The following ART4 variants were observed in gnomAD, a reference collection of about 807,000 sequenced individuals.
ART4 encodes ecto-ADP-ribosyltransferase 4.
A neutral mutation model predicts 24.2 loss-of-function variants in ART4; 14 were observed. The ratio of observed to expected loss-of-function variants is 0.58; its 90% CI spans 0.38 to 0.90. The LOEUF (loss-of-function observed/expected upper bound fraction) is 0.90. ART4 is among the 40% of genes least tolerant of loss of function. The pLI is 0.00. For missense variants in ART4, 356 were observed against 366.6 expected, an observed-to-expected ratio of 0.97 and a Z score of 0.24; for synonymous variants, 145 against 139.9, an observed-to-expected ratio of 1.04 and a Z score of -0.26.
At chr12:14,830,368 A>G (rs922488927) in intron 2 of ART4, among the ~76,000 whole-genome samples, 1 of 151,908 alleles carries the variant, frequency 6.6e-6, no homozygotes, top group Non-Finnish European at 1.5e-5. Context: ...GCCAGTTTTC[A>G]CTATTGTTTA....
chr12:14,836,085 A>ATATATC (rs751019968), intron 2 of ART4, among the ~76,000 whole-genome samples: 1 of 152,140 alleles, frequency 6.6e-6, no homozygotes, highest in Non-Finnish European at 1.5e-5. Context: ...ACATATATAT[A>ATATATC]TATATCATCA....
intron 1 of ART4, 26 bp downstream of exon 1, chr12:14,842,944 G>C: frequency 6.3e-7 from 1 of 1,599,158 alleles, no homozygotes; most frequent in Non-Finnish European, 8.5e-7. Context: ...ATCATAAAGA[G>C]ATCACCCCCT....
intron 2 of ART4, among the ~76,000 whole-genome samples, chr12:14,833,848 G>A (rs184009822): frequency 6.6e-6 from 1 of 152,166 alleles, no homozygotes; most frequent in Non-Finnish European, 1.5e-5. Flanking sequence ...AGGAGCAAGA[G>A]TGTTAATATT....
At chr12:14,838,789 A>G (rs1179733559) in intron 2 of ART4, among the ~76,000 whole-genome samples, 2 of 152,194 alleles carry the variant, frequency 1.3e-5, no homozygotes, top group Admixed American at 1.3e-4. Flanking sequence ...TGAATTATAA[A>G]TCATAGCAAT....
Position 14,843,509 on chromosome 12 carries a change from C to T in ART4, c.-396G>A, listed in dbSNP as rs1406714656. 2.4e-5 allele frequency: 4 copies of T among 168,710 alleles called. No homozygotes were observed. In the South Asian group the frequency reaches 4.3e-4, roughly 18 times the overall value. 10.5% of individuals were successfully genotyped at this position (168,710 alleles called of 1,614,324 possible). A position where few individuals can be genotyped will look rare whatever the true frequency, so the allele number is the denominator to read the frequency against. Reference sequence around the variant, plus strand: ...ACAGGAAAAAGCATGCTCTGTCCAGCGTTTGGGGCCAAGTAGCATTATCTG... The same window carrying T: ...ACAGGAAAAAGCATGCTCTGTCCAGTGTTTGGGGCCAAGTAGCATTATCTG... On this transcript the variant is annotated 5_prime_UTR_variant, in exon 1 of 3. Coordinates refer to ENST00000228936, the MANE Select transcript of ART4 (RefSeq NM_021071.4).
At chr12:14,831,916 G>C (rs1314566059) in intron 2 of ART4, among the ~76,000 whole-genome samples, 5 of 151,950 alleles carry the variant, frequency 3.3e-5, no homozygotes, top group Non-Finnish European at 5.9e-5. Flanking sequence ...GCCAAACCTT[G>C]GAGTCATTCT....
chr12:14,840,704 T>G lies in ART4; in HGVS notation c.594A>C (p.Thr198=). 1 of 1,614,164 alleles carries G rather than the reference T, an allele frequency of 6.2e-7. No homozygotes were observed. Among genetic ancestry groups the G allele is most frequent in the Non-Finnish European group, 8.5e-7 (1 of 1,180,016 alleles). The change falls in exon 2 of 3, where the codon ACA becomes ACC. Residue 198 remains threonine, a synonymous_variant. Transcript: ENST00000228936. Reference sequence around the variant, plus strand: ...ATTGGCCAAATCGAATGGTGGCCCCTGTGTAGGCATTAAAGTGGACATCCT... The same window carrying G: ...ATTGGCCAAATCGAATGGTGGCCCCGGTGTAGGCATTAAAGTGGACATCCT... ...RTKDVHFNAY[T]GATIRFGQFL... is the part of the protein sequence containing the mutation.
rs1001989070 is a variant in ART4, at chr12:14,826,806, A to G, written c.*2565T>C. On this transcript the variant is annotated 3_prime_UTR_variant, in exon 3 of 3. Transcript: ENST00000228936. ...CTCTGATAGAAAGCTTTATCTAACC[A>G]TAGGCCAGAGGAATCACATTTTTCT... 4 of 152,178 alleles carry G rather than the reference A, an allele frequency of 2.6e-5. No individual in the cohort carries two copies. The highest frequency in any genetic ancestry group is 9.7e-5 in the African/African-American group (4 of 41,424). The allele number at this position is 152,178 out of a possible 1,614,324, so 9.4% of individuals were successfully genotyped here. A position where few individuals can be genotyped will look rare whatever the true frequency, so the allele number is the denominator to read the frequency against.
At position 14,840,534 on chromosome 12, in the gene ART4, A is replaced by G. The variant is rs557259126; in HGVS notation, c.764T>C (p.Val255Ala). The change falls in exon 2 of 3, where the codon GTT (valine) becomes GCT (alanine). Residue 255 changes from valine (V) to alanine (A), a missense_variant. Transcript: ENST00000228936. ...TCTTGGGTGGTAGCTCATATTTATA[A>G]CTTTAAACAGCTCATAGGGAGGGAT... ...VLIPPYELFK[V>A]INMSYHPRGD... 4 of 1,614,050 alleles carry G rather than the reference A, an allele frequency of 2.5e-6. No homozygotes were observed. The highest frequency in any genetic ancestry group is 3.4e-6 in the Non-Finnish European group (4 of 1,180,030).
rs1190542308 is a variant in ART4, at chr12:14,829,581, T to C, written c.854-119A>G. The C allele has an allele frequency of 7.2e-6, 5 of 697,800 alleles. No individual in the cohort carries two copies. The East Asian group carries it at 1.6e-4, about 22-fold the overall frequency. 43.2% of individuals were successfully genotyped at this position (697,800 alleles called of 1,614,324 possible). ...AATTCCTAATAAAAACATTTGAAGT[T>C]AGCTACTTAAAACACATTATTTTAG... On this transcript the variant is annotated intron_variant, in intron 2 of 2. Transcript: ENST00000228936.
chr12:14,831,018 G>A (rs188389492), intron 2 of ART4, among the ~76,000 whole-genome samples: 3 of 151,776 alleles, frequency 2.0e-5, no homozygotes, highest in African/African-American at 7.2e-5. Context: ...CCAGTATTTA[G>A]AGAGCTTAAG....
In ART4 at chr12:14,826,964, C is replaced by T. The variant is rs1950363216; in HGVS notation, c.*2407G>A. ...GCCCTAACGGCTGGTTCAAATGCAG[C>T]CTCTTACTTAAAGCCTTCCGGGTGT... On this transcript the variant is annotated 3_prime_UTR_variant, in exon 3 of 3. Transcript: ENST00000228936. 6.6e-6 allele frequency: 1 copy of T among 152,220 alleles called. No homozygotes were observed. 9.4% of individuals were successfully genotyped at this position (152,220 alleles called of 1,614,324 possible). A position where few individuals can be genotyped will look rare whatever the true frequency, so the allele number is the denominator to read the frequency against.
In ART4 at chr12:14,840,539, A is replaced by G. The variant is rs765617914; in HGVS notation, c.759T>C (p.Phe253=). 42 of 1,614,036 alleles carry G rather than the reference A, an allele frequency of 2.6e-5. No individual in the cohort carries two copies. Among genetic ancestry groups the G allele is most frequent in the Non-Finnish European group, 2.9e-5 (34 of 1,180,026 alleles). ...GGTGGTAGCTCATATTTATAACTTT[A>G]AACAGCTCATAGGGAGGGATCAAGA... ...KEVLIPPYEL[F]KVINMSYHPR... Residue 253 remains phenylalanine, a synonymous_variant, in exon 2 of 3, where the codon TTT becomes TTC. Transcript: ENST00000228936.
intron 2 of ART4, among the ~76,000 whole-genome samples, chr12:14,836,096 A>G (rs949244851): frequency 6.6e-6 from 1 of 152,066 alleles, no homozygotes; most frequent in Non-Finnish European, 1.5e-5. Flanking sequence ...TATATCATCA[A>G]TGATAAAGTT....
At chr12:14,831,506 C>T (rs947850464) in intron 2 of ART4, among the ~76,000 whole-genome samples, 5 of 151,932 alleles carry the variant, frequency 3.3e-5, no homozygotes, top group Admixed American at 6.6e-5. Flanking sequence ...CTCAAGCAGT[C>T]CACCTACCTC....
chr12:14,840,682 G>T lies in ART4; in HGVS notation c.616C>A (p.Gln206Lys). The T allele has an allele frequency of 6.2e-7, 1 of 1,614,102 alleles. No homozygotes were observed. Among genetic ancestry groups the T allele is most frequent in the Non-Finnish European group, 8.5e-7 (1 of 1,180,010 alleles). ...AYTGATIRFG[Q>K]FLSTSLLKEE... ...TTCAGGAGGGATGTGGAGAGGAATT[G>T]GCCAAATCGAATGGTGGCCCCTGTG... The change falls in exon 2 of 3, where the codon CAA (glutamine) becomes AAA (lysine). Residue 206 changes from glutamine to lysine, a missense_variant. Coordinates refer to ENST00000228936, the MANE Select transcript of ART4 (RefSeq NM_021071.4).
rs1192826773 is a variant in ART4, at chr12:14,840,629, C to G, written c.669G>C (p.Gln223His). Residue 223 changes from glutamine to histidine, a missense_variant, in exon 2 of 3, where the codon CAG (glutamine) becomes CAC (histidine). By Grantham distance (24) the Gln-to-His change is conservative. Transcript: ENST00000228936. ...GGCAGGTGAATATGGTAAATAGTGT[C>G]TGGTTCCCAAACTCCTGTGCCTCTT... The part of the protein sequence containing the change: ...LKEEAQEFGN[Q>H]TLFTIFTCLG... 1.2e-6 allele frequency: 2 copies of G among 1,614,032 alleles called. No individual in the cohort carries two copies. Among genetic ancestry groups the G allele is most frequent in the Non-Finnish European group, 8.5e-7 (1 of 1,180,036 alleles).
intron 2 of ART4, 121 bp from the exon 3 acceptor site, chr12:14,829,583 G>T (rs1383959536): frequency 3.9e-5 from 27 of 687,434 alleles, no homozygotes; most frequent in Non-Finnish European, 5.8e-5. Context: ...TTTGAAGTTA[G>T]CTACTTAAAA....
chr12:14,836,134 A>T (rs929639058), intron 2 of ART4, among the ~76,000 whole-genome samples: 4 of 152,118 alleles, frequency 2.6e-5, no homozygotes, highest in African/African-American at 9.7e-5. Context: ...ACTAGCATGA[A>T]TTTCTTTTTC....
Sources: gnomAD v4.1 joint callset for allele counts (sites outside exome capture counted in the v4.1 genomes callset) on GRCh38, gnomAD v4.1.1 for gene constraint, MANE v1.5 for transcripts, NCBI Gene and HGNC (gene_info 2026-07-23, HGNC 2026-07-21) for gene names.